The following LRRC49 variants were observed in gnomAD, a reference collection of about 807,000 sequenced individuals.
The protein encoded by LRRC49 is leucine rich repeat containing 49, also known as leucine-rich repeat-containing protein 49.
Under a neutral mutation model 83.3 loss-of-function variants are expected in LRRC49, and 50 were observed. That is an observed-to-expected ratio of 0.60 (90% CI 0.48 to 0.76). The LOEUF is 0.76. Ranked by LOEUF, LRRC49 falls within the 30% of genes least tolerant of loss-of-function variation. The probability of loss-of-function intolerance (pLI) is 0.00; values close to 1 mark genes in which losing one functional copy is unlikely to be tolerated. For missense variants in LRRC49, 704 were observed against 809.1 expected, an observed-to-expected ratio of 0.87 and a Z score of 1.58; for synonymous variants, 286 against 283.3, an observed-to-expected ratio of 1.01 and a Z score of -0.10.
At chr15:70,859,760 A>C in intron 1 of LRRC49, 1 of 726,178 alleles carries the variant, frequency 1.4e-6, no homozygotes, top group Non-Finnish European at 2.6e-6. Context: ...TAAGGATGCC[A>C]ACGCCAAGCT....
chr15:70,904,459 A>G, intron 4 of LRRC49, 93 bp from the exon 5 acceptor site: 2 of 818,724 alleles, frequency 2.4e-6, no homozygotes, highest in Non-Finnish European at 3.9e-6. Flanking sequence ...TTCTCCTCAC[A>G]GAATGGGAGC....
At chr15:70,963,717 G>T in intron 8 of LRRC49, 68 bp from the exon 9 acceptor site, 1 of 1,503,782 alleles carries the variant, frequency 6.6e-7, no homozygotes, top group Non-Finnish European at 9.0e-7. Context: ...TAAAAATAAA[G>T]TCTATTAAAA....
intron 15 of LRRC49, among the ~76,000 whole-genome samples, chr15:71,039,814 AG>A (rs2039642077): frequency 6.6e-6 from 1 of 152,222 alleles, no homozygotes; most frequent in African/African-American, 2.4e-5. Flanking sequence ...ATTCAAACCA[AG>A]GATTTCACAG....
chr15:70,944,180 A>G (rs191131428), intron 8 of LRRC49, among the ~76,000 whole-genome samples: 6 of 152,318 alleles, frequency 3.9e-5, no homozygotes, highest in African/African-American at 1.2e-4. Context: ...TGAAGCTTAT[A>G]TAGAAGCTGC....
chr15:70,964,527 T>C (rs1233873443), intron 9 of LRRC49, among the ~76,000 whole-genome samples: 1 of 152,142 alleles, frequency 6.6e-6, no homozygotes, highest in Non-Finnish European at 1.5e-5. Flanking sequence ...AGCTACCTCT[T>C]TTTATTCATC....
At chr15:70,892,822 G>C (rs185254297), upstream of LRRC49, 93 of 1,613,924 alleles carry the variant, frequency 5.8e-5, no homozygotes, top group Non-Finnish European at 7.6e-5. Context: ...GACCTCTTTC[G>C]GGTCTCTTTG....
At chr15:70,855,938 TGCCTTCCA>T (rs1293809259) in intron 1 of LRRC49, among the ~76,000 whole-genome samples, 2 of 152,178 alleles carry the variant, frequency 1.3e-5, no homozygotes, top group Non-Finnish European at 2.9e-5. Flanking sequence ...GCAGCCACCA[TGCCTTCCA>T]GTTTGATAAT....
intron 11 of LRRC49, among the ~76,000 whole-genome samples, chr15:70,985,186 A>T (rs2141228963): frequency 6.6e-6 from 1 of 150,418 alleles, no homozygotes; most frequent in Non-Finnish European, 1.5e-5. Context: ...CTAGTTCTAG[A>T]TCCCTGAGGA....
At chr15:70,892,277 G>T, upstream of LRRC49, 3 of 1,559,020 alleles carry the variant, frequency 1.9e-6, no homozygotes, top group East Asian at 2.4e-5. Flanking sequence ...CGGCATGGCG[G>T]CCGTCTTCGG....
chr15:70,993,134 C>T (rs2037949095), intron 11 of LRRC49, among the ~76,000 whole-genome samples: 1 of 152,192 alleles, frequency 6.6e-6, no homozygotes, highest in Admixed American at 6.5e-5. Context: ...CTCAGACTGC[C>T]ATGCTAGCAA....
chr15:70,970,569 C>T (rs1264564896), intron 9 of LRRC49, among the ~76,000 whole-genome samples: 1 of 152,114 alleles, frequency 6.6e-6, no homozygotes, highest in East Asian at 1.9e-4. Context: ...CTACCTGCTC[C>T]TCTTTGTACC....
intron 1 of LRRC49, among the ~76,000 whole-genome samples, chr15:70,861,886 C>G (rs1264032766): frequency 6.6e-6 from 1 of 152,062 alleles, no homozygotes; most frequent in Non-Finnish European, 1.5e-5. Flanking sequence ...GATCACACCA[C>G]TGCACTCCAG....
chr15:70,891,618 T>TGTGTGTGTGA (rs930540936), upstream of LRRC49, among the ~76,000 whole-genome samples: 3 of 127,564 alleles, frequency 2.4e-5, no homozygotes, highest in Admixed American at 7.9e-5. Flanking sequence ...TGTGTGTGTG[T>TGTGTGTGTGA]GAGTTTTGGG....
chr15:70,998,531 A>T (rs755307727), intron 11 of LRRC49, among the ~76,000 whole-genome samples: 1 of 151,738 alleles, frequency 6.6e-6, no homozygotes, highest in Non-Finnish European at 1.5e-5. Context: ...ATGATTTCTG[A>T]TGAGAAATCA....
At chr15:71,007,681 A>C (rs2038502236) in intron 11 of LRRC49, among the ~76,000 whole-genome samples, 1 of 145,776 alleles carries the variant, frequency 6.9e-6, no homozygotes. Flanking sequence ...AATAATAATT[A>C]CCAAATTCAG....
intron 14 of LRRC49, among the ~76,000 whole-genome samples, chr15:71,016,586 G>A (rs1237187343): frequency 6.6e-6 from 1 of 151,640 alleles, no homozygotes; most frequent in Non-Finnish European, 1.5e-5. Flanking sequence ...AAACACTGAC[G>A]CTCCAGAAAA....
Position 70,958,690 on chromosome 15 carries a change from A to T in LRRC49, c.774-5095A>T, listed in dbSNP as rs138876731. On this transcript the variant is annotated intron_variant, in intron 8 of 15. Coordinates refer to ENST00000260382, the MANE Select transcript of LRRC49 (RefSeq NM_017691.5). Reference sequence around the variant, plus strand: ...TGATTAAGTTTAAATTTATAAACTCACATCTTCACCTTCATATACTAGTTT... The same window carrying T: ...TGATTAAGTTTAAATTTATAAACTCTCATCTTCACCTTCATATACTAGTTT... Among the ~76,000 whole-genome samples, 59 of 152,342 alleles carry T rather than the reference A, an allele frequency of 3.9e-4. 1 individual carries two copies. The highest frequency in any genetic ancestry group is 1.4e-3 in the African/African-American group (59 of 41,588).
intron 15 of LRRC49, among the ~76,000 whole-genome samples, chr15:71,048,039 G>A (rs1481173879): frequency 6.7e-6 from 1 of 150,236 alleles, no homozygotes; most frequent in Non-Finnish European, 1.5e-5. Flanking sequence ...GCCTCCCAAA[G>A]TGCTGGGATT....
intron 4 of LRRC49, among the ~76,000 whole-genome samples, chr15:70,904,229 A>T (rs886699174): frequency 2.0e-5 from 3 of 152,198 alleles, no homozygotes; most frequent in African/African-American, 4.8e-5. Flanking sequence ...CAGCCATTTA[A>T]ACCTCTATCA....
Sources: allele counts gnomAD v4.1 joint callset (sites outside exome capture counted in the v4.1 genomes callset), GRCh38; gene constraint gnomAD v4.1.1; transcripts MANE v1.5; gene names NCBI Gene and HGNC (gene_info 2026-07-23, HGNC 2026-07-21).